Variants in NSMCE1 observed in about 807,000 individuals in gnomAD.
NSMCE1 encodes the protein NSE1 component of SMC5/6 complex, also known as non-structural maintenance of chromosomes element 1 homolog.
NSMCE1 carries 18 observed loss-of-function variants against 29.6 expected under a neutral mutation model. The ratio of observed to expected loss-of-function variants is 0.61; its 90% CI spans 0.42 to 0.90. NSMCE1 has a LOEUF of 0.90. Ranked by LOEUF, NSMCE1 falls within the 40% of genes least tolerant of loss-of-function variation. NSMCE1 has a pLI of 0.00. For missense variants in NSMCE1, 314 were observed against 343.6 expected (o/e 0.91, Z 0.68); for synonymous variants, 124 against 133.4 (o/e 0.93, Z 0.49).
At chr16:27,228,119 C>T (rs1305007566) in intron 5 of NSMCE1, among the ~76,000 whole-genome samples, 1 of 152,124 alleles carries the variant, frequency 6.6e-6, no homozygotes, top group Non-Finnish European at 1.5e-5. Context: ...CCCCCCACCC[C>T]ATTCCCACCT....
chr16:27,250,248 T>C (rs1283503351), intron 2 of NSMCE1, among the ~76,000 whole-genome samples: 1 of 152,038 alleles, frequency 6.6e-6, no homozygotes, highest in Non-Finnish European at 1.5e-5. Flanking sequence ...AGCTACCTTT[T>C]GTTTCTTTTT....
chr16:27,250,510 G>T (rs2084014032), intron 2 of NSMCE1, among the ~76,000 whole-genome samples: 1 of 151,416 alleles, frequency 6.6e-6, no homozygotes, highest in African/African-American at 2.4e-5. Flanking sequence ...CTGTGTAGAG[G>T]GCCAGGCGCG....
chr16:27,243,704 G>A (rs2083919608), intron 2 of NSMCE1, among the ~76,000 whole-genome samples: 1 of 152,194 alleles, frequency 6.6e-6, no homozygotes, highest in African/African-American at 2.4e-5. Context: ...AGGCTGGAGA[G>A]CAGTGGTGCA....
chr16:27,234,245 T>G lies in NSMCE1; in HGVS notation c.279A>C (p.Ser93=). The part of the protein sequence containing the change: ...IYALVNLATT[S]ISKMATDFAE... ...CAAAATCCGTAGCCATTTTGGAAAT[T>G]GAAGTTGTAGCAAGATTCACCTAAG... is the stretch of plus-strand genomic sequence containing the variant. The change falls in exon 4 of 8, where the codon TCA becomes TCC. Residue 93 remains serine (S), a synonymous_variant. Transcript: ENST00000361439. 2 of 1,613,380 alleles carry G rather than the reference T, an allele frequency of 1.2e-6. No individual in the cohort carries two copies. Among genetic ancestry groups the G allele is most frequent in the Non-Finnish European group, 1.7e-6 (2 of 1,179,292 alleles).
At position 27,227,937 on chromosome 16, in the gene NSMCE1, C is replaced by G. The variant is rs973047632; in HGVS notation, c.484-1101G>C. 2.6e-5 allele frequency among the ~76,000 whole-genome samples: 4 copies of G among 152,124 alleles called. No homozygotes were observed. The East Asian group carries it at 5.8e-4, about 22-fold the overall frequency. ...AGTAGCTGGGATTACAGGCATGCGCCACCACGCCTGGCTAATTTTGTATTT... is the reference window on the plus strand; with the variant it reads ...AGTAGCTGGGATTACAGGCATGCGCGACCACGCCTGGCTAATTTTGTATTT... On this transcript the variant is annotated intron_variant, in intron 5 of 7. Coordinates refer to ENST00000361439, the MANE Select transcript of NSMCE1 (RefSeq NM_145080.4).
At chr16:27,253,594 C>A (rs1286454889) in intron 2 of NSMCE1, among the ~76,000 whole-genome samples, 1 of 152,138 alleles carries the variant, frequency 6.6e-6, no homozygotes. Flanking sequence ...CCCAAGCCTT[C>A]TCCACCACCC....
rs192252384 is a variant in NSMCE1, at chr16:27,250,560, G to A, written c.136+6875C>T. On this transcript the variant is annotated intron_variant, in intron 2 of 7. Transcript: ENST00000361439. ...TAATCCCAGCACTTTGGGAAGCCAAGCCAGGGAGATCACTTGAGGCCAGGA... is the reference window on the plus strand; with the variant it reads ...TAATCCCAGCACTTTGGGAAGCCAAACCAGGGAGATCACTTGAGGCCAGGA... Among the ~76,000 whole-genome samples, 8 of 151,856 alleles carry A rather than the reference G, an allele frequency of 5.3e-5. No individual in the cohort carries two copies. In the East Asian group the frequency reaches 9.8e-4, roughly 19 times the overall value.
chr16:27,245,080 C>A (rs374265795), intron 2 of NSMCE1, among the ~76,000 whole-genome samples: 1 of 152,268 alleles, frequency 6.6e-6, no homozygotes, highest in African/African-American at 2.4e-5. Context: ...AGTTAAGGGG[C>A]AGAAAAGGAA....
chr16:27,228,401 C>T (rs2083726000), intron 5 of NSMCE1, among the ~76,000 whole-genome samples: 1 of 152,054 alleles, frequency 6.6e-6, no homozygotes, highest in African/African-American at 2.4e-5. Flanking sequence ...AGCCCCCAGG[C>T]TGTCCTCGGT....
intron 2 of NSMCE1, among the ~76,000 whole-genome samples, chr16:27,238,640 G>A (rs1024477583): frequency 4.6e-5 from 7 of 152,030 alleles, no homozygotes; most frequent in Non-Finnish European, 8.8e-5. Context: ...GCAGAAAGCT[G>A]AAGGGACCAG....
chr16:27,229,325 G>A (rs1035357391), intron 5 of NSMCE1, among the ~76,000 whole-genome samples: 2 of 152,148 alleles, frequency 1.3e-5, no homozygotes, highest in Non-Finnish European at 2.9e-5. Flanking sequence ...CTTTCCATCT[G>A]TACCAGGACT....
At chr16:27,244,950 C>A (rs1464975615) in intron 2 of NSMCE1, among the ~76,000 whole-genome samples, 1 of 152,202 alleles carries the variant, frequency 6.6e-6, no homozygotes, top group Non-Finnish European at 1.5e-5. Flanking sequence ...TAGGAAAACC[C>A]CAAGAGAATT....
intron 2 of NSMCE1, chr16:27,242,026 T>A (rs984031104): frequency 3.2e-6 from 1 of 317,390 alleles, no homozygotes; most frequent in Non-Finnish European, 6.4e-6. Flanking sequence ...TTGAGAATAC[T>A]TCAAAATAAC....
intron 1 of NSMCE1, among the ~76,000 whole-genome samples, chr16:27,262,409 G>A (rs1287105240): frequency 9.2e-5 from 14 of 152,060 alleles, no homozygotes; most frequent in Admixed American, 9.2e-4. Flanking sequence ...TACACCAATG[G>A]AACAGAATAG....
At chr16:27,251,159 A>AATATATATATATATATATATATATAT (rs1166070119) in intron 2 of NSMCE1, among the ~76,000 whole-genome samples, 8 of 65,770 alleles carry the variant, frequency 1.2e-4, no homozygotes, top group East Asian at 6.9e-4. Flanking sequence ...AATTATTTAA[A>AATATATATATATATATATATATATAT]ATATATATAT....
intron 2 of NSMCE1, among the ~76,000 whole-genome samples, chr16:27,239,631 G>A (rs1455929681): frequency 6.6e-6 from 1 of 152,172 alleles, no homozygotes; most frequent in Non-Finnish European, 1.5e-5. Context: ...TGTAGGTAGC[G>A]CTGGATCAGA....
intron 2 of NSMCE1, among the ~76,000 whole-genome samples, chr16:27,244,680 T>C (rs534574105): frequency 1.3e-5 from 2 of 152,364 alleles, no homozygotes; most frequent in East Asian, 3.9e-4. Flanking sequence ...ACAGAGGCCC[T>C]GGCCAAAGCC....
At chr16:27,264,298 G>A (rs903324826) in intron 1 of NSMCE1, among the ~76,000 whole-genome samples, 24 of 152,170 alleles carry the variant, frequency 1.6e-4, no homozygotes, top group African/African-American at 5.5e-4. Context: ...GCTTCAGCTC[G>A]GGATGTCGAG....
chr16:27,251,806 T>A (rs1567281614), intron 2 of NSMCE1, among the ~76,000 whole-genome samples: 1 of 152,222 alleles, frequency 6.6e-6, no homozygotes, highest in Non-Finnish European at 1.5e-5. Flanking sequence ...TTCTTGCTCA[T>A]CAGTTCTCAG....
Sources: allele counts gnomAD v4.1 joint callset (sites outside exome capture counted in the v4.1 genomes callset), GRCh38; gene constraint gnomAD v4.1.1; transcripts MANE v1.5; gene names NCBI Gene and HGNC (gene_info 2026-07-23, HGNC 2026-07-21).